POLD2: variants seen among roughly 807,000 people sequenced by gnomAD.
POLD2 encodes the protein DNA polymerase delta subunit 2.
A neutral mutation model predicts 48.8 loss-of-function variants in POLD2; 31 were observed. The observed-to-expected ratio is 0.64, with a 90% CI of 0.48 to 0.86. The LOEUF is 0.86. Among genes scored for constraint, POLD2 ranks in the 40% least tolerant of loss-of-function variants. POLD2 has a pLI of 0.00. For missense variants in POLD2, 455 were observed against 610.1 expected, an observed-to-expected ratio of 0.75 and a Z score of 2.68; for synonymous variants, 233 against 256.3, an observed-to-expected ratio of 0.91 and a Z score of 0.87.
Position 44,121,791 on chromosome 7 carries a change from C to T in POLD2, c.220+43G>A, listed in dbSNP as rs1371415053. On this transcript the variant is annotated intron_variant, in intron 2 of 10. Coordinates refer to ENST00000610533, the MANE Select transcript of POLD2 (RefSeq NM_006230.4). The surrounding 1 kb of genome is among the most constrained non-coding windows in gnomAD (Gnocchi z 4.5). The stretch of plus-strand genomic sequence containing the variant: ...TTCTCTTGCAGAACACTTCTAAGTT[C>T]AGGGATGCTGTGGGGGAAGCACCTT... 1.3e-6 allele frequency: 2 copies of T among 1,580,150 alleles called. No individual in the cohort carries two copies. The highest frequency in any genetic ancestry group is 3.5e-5 in the Admixed American group (2 of 57,810).
intron 1 of POLD2, chr7:44,122,445 C>T (rs1583571366): frequency 1.9e-6 from 2 of 1,060,698 alleles, no homozygotes. Context: ...CTGCCTCCAT[C>T]CAGCTCTCCG....
In POLD2 at chr7:44,115,750, TG is replaced by T; in HGVS notation, c.1147+15del. On this transcript the variant is annotated intron_variant, in intron 9 of 10. Coordinates refer to ENST00000610533, the MANE Select transcript of POLD2 (RefSeq NM_006230.4). Reference sequence around the variant, plus strand: ...CCTGGCCCTCTGCTCCCACCCTGTATGGCTGAGCCTGTTACCTAGAGTGTCA... The same window carrying T: ...CCTGGCCCTCTGCTCCCACCCTGTATGCTGAGCCTGTTACCTAGAGTGTCA... 6.2e-7 allele frequency: 1 copy of T among 1,612,312 alleles called. No homozygotes were observed.
At position 44,116,131 on chromosome 7, in the gene POLD2, T is replaced by C; in HGVS notation, c.1003A>G (p.Thr335Ala). Residue 335 changes from threonine to alanine, a missense_variant, in exon 8 of 11, where the codon ACC becomes GCC. Around this residue, in one of 3 missense-constraint regions of POLD2, gnomAD observed 349 missense variants for 437.4 expected, o/e 0.80. Coordinates refer to ENST00000610533, the MANE Select transcript of POLD2 (RefSeq NM_006230.4). The surrounding 1 kb of genome is among the most constrained non-coding windows in gnomAD (Gnocchi z 6.1). ...GCCAGCTACCTGACTCCATCAATGG[T>C]GGCCTGGTAGGGGTTGGTGACCAGC... ...LQLVTNPYQA[T>A]IDGVRFLGTS... The C allele has an allele frequency of 6.2e-7, 1 of 1,613,538 alleles. No homozygotes were observed. Among genetic ancestry groups the C allele is most frequent in the Non-Finnish European group, 8.5e-7 (1 of 1,179,984 alleles).
Position 44,116,361 on chromosome 7 carries a change from C to T in POLD2, c.861+69G>A. 1 of 1,594,916 alleles carries T rather than the reference C, an allele frequency of 6.3e-7. No individual in the cohort carries two copies. The highest frequency in any genetic ancestry group is 1.1e-5 in the South Asian group (1 of 89,406). Reference sequence around the variant, plus strand: ...CCACTCCCCCTGCCCTCCTGCCTGCCTTCTGTTGCCCAGTGGCAGCTTTGA... The same window carrying T: ...CCACTCCCCCTGCCCTCCTGCCTGCTTTCTGTTGCCCAGTGGCAGCTTTGA... On this transcript the variant is annotated intron_variant, in intron 7 of 10. Transcript: ENST00000610533. This position sits in a 1 kb window ranked among gnomAD's most constrained non-coding sequence, Gnocchi z 6.1.
chr7:44,123,122 A>G (rs2096250391), intron 1 of POLD2: 1 of 437,286 alleles, frequency 2.3e-6, no homozygotes, highest in Non-Finnish European at 3.5e-6. Context: ...TAGTTTGAAT[A>G]TATTTATGGA....
chr7:44,117,659 G>T lies in POLD2; in HGVS notation c.426C>A (p.Ile142=). 6.2e-7 allele frequency: 1 copy of T among 1,609,642 alleles called. No homozygotes were observed. The highest frequency in any genetic ancestry group is 8.5e-7 in the Non-Finnish European group (1 of 1,177,960). Residue 142 remains isoleucine, a synonymous_variant, in exon 4 of 11, where the codon ATC becomes ATA. Coordinates refer to ENST00000610533, the MANE Select transcript of POLD2 (RefSeq NM_006230.4). The part of the protein sequence containing the change: ...ELVLEDELQR[I]KLKGTIDVSK... ...ACACGTCAATGGTGCCTTTTAGTTT[G>T]ATACGCTGCAGTTCATCTTCCAAGA...
chr7:44,120,678 C>T lies in POLD2; in HGVS notation c.220+1156G>A, dbSNP rs1015371944. Among the ~76,000 whole-genome samples the T allele has an allele frequency of 3.4e-4, 51 of 152,074 alleles. 1 individual carries two copies. Among genetic ancestry groups the T allele is most frequent in the Non-Finnish European group, 2.9e-5 (2 of 68,022 alleles). ...TGGTGAGTGAGATCAAGCCATCATG[C>T]GATCTGATGGTTTAAAAATGGTTGG... is the stretch of plus-strand genomic sequence containing the variant. On this transcript the variant is annotated intron_variant, in intron 2 of 10. Coordinates refer to ENST00000610533, the MANE Select transcript of POLD2 (RefSeq NM_006230.4).
Position 44,116,800 on chromosome 7 carries a change from C to T in POLD2, c.780+17G>A. 1 of 1,612,378 alleles carries T rather than the reference C, an allele frequency of 6.2e-7. No individual in the cohort carries two copies. The highest frequency in any genetic ancestry group is 8.5e-7 in the Non-Finnish European group (1 of 1,179,370). ...GCTCCTGGGCTGGGGCTGAATGCAG[C>T]CAGGTGGGCTCCATACCTTATTGAT... is the stretch of plus-strand genomic sequence containing the variant. On this transcript the variant is annotated intron_variant, in intron 6 of 10. Transcript: ENST00000610533. The surrounding 1 kb of genome is among the most constrained non-coding windows in gnomAD (Gnocchi z 6.1).
rs3217965 is a variant in POLD2, at chr7:44,117,792, G to C, written c.343-50C>G. The stretch of plus-strand genomic sequence containing the variant: ...AATCTTGGGGCCAGAGCCCACCAAA[G>C]CTCTGGTGTTAGTGAGCTGGCACCG... On this transcript the variant is annotated intron_variant, in intron 3 of 10. Transcript: ENST00000610533. 1.8e-3 allele frequency: 2,887 copies of C among 1,612,038 alleles called. 41 individuals are homozygous for C. In the African/African-American group the frequency reaches 0.034, roughly 19 times the overall value.
rs2096240054 is a variant in POLD2 at position 44,116,611 on chromosome 7, C to A, written c.781-101G>T. The A allele has an allele frequency of 1.9e-6, 2 of 1,068,098 alleles. No homozygotes were observed. Among genetic ancestry groups the A allele is most frequent in the African/African-American group, 1.6e-5 (1 of 63,610 alleles). The allele number at this position is 1,068,098 out of a possible 1,614,324, so 66.2% of individuals were successfully genotyped here. A position where few individuals can be genotyped will look rare whatever the true frequency, so the allele number is the denominator to read the frequency against. On this transcript the variant is annotated intron_variant, in intron 6 of 10. Coordinates refer to ENST00000610533, the MANE Select transcript of POLD2 (RefSeq NM_006230.4). The surrounding 1 kb of genome is among the most constrained non-coding windows in gnomAD (Gnocchi z 6.1). ...GAAGATGCAGTTGTTGTCCCATAGA[C>A]CCTCACTCCCTTCAAGCCTCCCACC...
At chr7:44,114,986 A>C (rs1213443676) in intron 10 of POLD2, 41 bp from the exon 11 acceptor site, 6 of 1,550,828 alleles carry the variant, frequency 3.9e-6, no homozygotes, top group East Asian at 2.3e-5. Context: ...GGTTCCAAGT[A>C]AGTCCTGCCT....
Position 44,121,219 on chromosome 7 carries a change from A to G in POLD2, c.220+615T>C, listed in dbSNP as rs1296014646. ...AGCACCTAAAACTCAAATAAACTCA[A>G]AGGGGGAGATGGGGGTCCCTGCTTC... On this transcript the variant is annotated intron_variant, in intron 2 of 10. Transcript: ENST00000610533. This position sits in a 1 kb window ranked among gnomAD's most constrained non-coding sequence, Gnocchi z 4.5. 2.0e-5 allele frequency among the ~76,000 whole-genome samples: 3 copies of G among 152,048 alleles called. No homozygotes were observed. The highest frequency in any genetic ancestry group is 7.2e-5 in the African/African-American group (3 of 41,416).
Position 44,116,978 on chromosome 7 carries a change from C to G in POLD2, c.619G>C (p.Gly207Arg). The change falls in exon 6 of 11, where the codon GGT (glycine) becomes CGT (arginine). Residue 207 changes from glycine to arginine, a missense_variant. Gly to Arg is a moderately radical substitution (Grantham distance 125). Around this residue, in one of 3 missense-constraint regions of POLD2, gnomAD observed 349 missense variants for 437.4 expected, o/e 0.80. Coordinates refer to ENST00000610533, the MANE Select transcript of POLD2 (RefSeq NM_006230.4). The surrounding 1 kb of genome is among the most constrained non-coding windows in gnomAD (Gnocchi z 6.1). ...GTGCCCAGCAGGCTCTCGCCTCCAC[C>G]GCCACCCAGGCCCAGGCCGGACACC... ...LLVSGLGLGGGGGESLLGTQL... is the reference protein window; with the variant it reads ...LLVSGLGLGGRGGESLLGTQL... The G allele has an allele frequency of 6.2e-7, 1 of 1,613,424 alleles. No homozygotes were observed. Among genetic ancestry groups the G allele is most frequent in the African/African-American group, 1.3e-5 (1 of 75,018 alleles).
rs1440922931 is a variant in POLD2, at chr7:44,121,308, G to A, written c.220+526C>T. On this transcript the variant is annotated intron_variant, in intron 2 of 10. Coordinates refer to ENST00000610533, the MANE Select transcript of POLD2 (RefSeq NM_006230.4). The surrounding 1 kb of genome is among the most constrained non-coding windows in gnomAD (Gnocchi z 4.5). ...GGAAGAAATGGGGGCAAAGAACAAG[G>A]GTTGTGTTGGGCAGGCCACTTTATT... Among the ~76,000 whole-genome samples, 1 of 152,112 alleles carries A rather than the reference G, an allele frequency of 6.6e-6. No individual in the cohort carries two copies. Among genetic ancestry groups the A allele is most frequent in the Non-Finnish European group, 1.5e-5 (1 of 68,018 alleles).
At chr7:44,120,987 G>A (rs1368522303) in intron 2 of POLD2, among the ~76,000 whole-genome samples, 1 of 152,180 alleles carries the variant, frequency 6.6e-6, no homozygotes, top group African/African-American at 2.4e-5. Context: ...CTTGGCATGG[G>A]ATGAGATGGG....
intron 2 of POLD2, chr7:44,118,411 C>T (rs951547688): frequency 4.1e-5 from 8 of 193,642 alleles, no homozygotes; most frequent in South Asian, 3.9e-4. Flanking sequence ...ACCCTCCCCT[C>T]GGGCCTTCAG....
intron 2 of POLD2, among the ~76,000 whole-genome samples, chr7:44,118,583 G>GCTCA (rs2096243985): frequency 1.3e-5 from 2 of 152,234 alleles, no homozygotes; most frequent in Non-Finnish European, 2.9e-5. Flanking sequence ...CGCGATCTCA[G>GCTCA]CTCACTGCAA....
intron 1 of POLD2, 165 bp downstream of exon 1, chr7:44,123,346 G>A (rs896711022): frequency 5.8e-6 from 8 of 1,379,290 alleles, no homozygotes; most frequent in South Asian, 4.9e-5. Context: ...GGATGGGGCC[G>A]AGAGCGCCCT....
upstream of POLD2, chr7:44,123,711 C>A (rs1380665122): frequency 4.5e-6 from 6 of 1,348,162 alleles, no homozygotes; most frequent in Non-Finnish European, 5.7e-6. Flanking sequence ...CGGAGCCACA[C>A]CCTCGGTTTC....
Sources: gnomAD v4.1 joint callset for allele counts (sites outside exome capture counted in the v4.1 genomes callset) on GRCh38, gnomAD v4.1.1 for gene constraint, gnomAD v4.1.1 regional missense constraint, Gnocchi (gnomAD v3.1) non-coding constraint, MANE v1.5 for transcripts, NCBI Gene and HGNC (gene_info 2026-07-23, HGNC 2026-07-21) for gene names.